IMMP2L: variants seen among roughly 807,000 people sequenced by gnomAD.
The protein encoded by IMMP2L is inner mitochondrial membrane peptidase subunit 2.
In IMMP2L, 18 loss-of-function variants were observed where a neutral mutation model predicts 19.3. The ratio of observed to expected loss-of-function variants is 0.93; its 90% CI spans 0.64 to 1.38. IMMP2L has a LOEUF of 1.38. Ranked by LOEUF, IMMP2L falls within the 40% of genes most tolerant of loss-of-function variation. IMMP2L has a pLI of 0.00. For synonymous variants in IMMP2L, 76 were observed against 73.0 expected (o/e 1.04, Z -0.21); for missense variants, 233 against 218.2 (o/e 1.07, Z -0.43).
chr7:111,102,940 C>T (rs1798135791), intron 3 of IMMP2L, among the ~76,000 whole-genome samples: 1 of 151,172 alleles, frequency 6.6e-6, no homozygotes, highest in Admixed American at 6.6e-5. Flanking sequence ...CTTAAAAGAC[C>T]ATATAGTATA....
At chr7:111,420,542 G>A (rs764783212) in intron 3 of IMMP2L, among the ~76,000 whole-genome samples, 26 of 151,186 alleles carry the variant, frequency 1.7e-4, no homozygotes, top group Non-Finnish European at 1.5e-4. Context: ...TTCTCCTAAC[G>A]CTATCCCTCC....
At chr7:111,055,775 C>T (rs1380140337) in intron 3 of IMMP2L, among the ~76,000 whole-genome samples, 1 of 152,156 alleles carries the variant, frequency 6.6e-6, no homozygotes, top group Non-Finnish European at 1.5e-5. Context: ...AGCAGAATTA[C>T]TTGTAAGCCT....
At chr7:111,445,395 A>C (rs1309215933) in intron 3 of IMMP2L, among the ~76,000 whole-genome samples, 1 of 151,604 alleles carries the variant, frequency 6.6e-6, no homozygotes, top group African/African-American at 2.4e-5. Context: ...AGAAGAATGA[A>C]AAAAAAATAG....
At chr7:110,934,982 T>C (rs188991224) in intron 4 of IMMP2L, among the ~76,000 whole-genome samples, 1 of 152,336 alleles carries the variant, frequency 6.6e-6, no homozygotes, top group African/African-American at 2.4e-5. Flanking sequence ...AACGGGGGCA[T>C]TTAGCCCATC....
intron 3 of IMMP2L, among the ~76,000 whole-genome samples, chr7:111,379,931 G>C (rs1831037681): frequency 6.6e-6 from 1 of 151,792 alleles, no homozygotes; most frequent in African/African-American, 2.4e-5. Flanking sequence ...TGTATACATT[G>C]CAAGTGGCAA....
intron 1 of IMMP2L, among the ~76,000 whole-genome samples, chr7:111,555,142 T>G (rs1563352718): frequency 6.6e-6 from 1 of 152,168 alleles, no homozygotes; most frequent in African/African-American, 2.4e-5. Flanking sequence ...TAGCAGATAT[T>G]AATACATGTT....
At chr7:110,689,180 A>T (rs141412683) in intron 5 of IMMP2L, among the ~76,000 whole-genome samples, 9 of 152,302 alleles carry the variant, frequency 5.9e-5, no homozygotes, top group African/African-American at 2.2e-4. Flanking sequence ...TGTATGCTAA[A>T]GCTTGCAAAC....
At chr7:110,860,027 T>A (rs1301170092) in intron 5 of IMMP2L, among the ~76,000 whole-genome samples, 1 of 152,112 alleles carries the variant, frequency 6.6e-6, no homozygotes, top group East Asian at 1.9e-4. Context: ...ACCTGTCACA[T>A]GTGTCATTGT....
At chr7:110,720,203 T>G (rs62463983) in intron 5 of IMMP2L, among the ~76,000 whole-genome samples, 31,675 of 151,888 alleles carry the variant, frequency 0.21, 3,467 homozygotes, top group Admixed American at 0.26. Context: ...ACAACAAAAT[T>G]TAAGAGGTAC....
At chr7:111,331,272 T>C (rs967921392) in intron 3 of IMMP2L, among the ~76,000 whole-genome samples, 2 of 151,940 alleles carry the variant, frequency 1.3e-5, no homozygotes, top group African/African-American at 4.8e-5. Flanking sequence ...CTGTCATTTG[T>C]AGCAGCATGT....
At chr7:111,397,001 T>C (rs1012790721) in intron 3 of IMMP2L, among the ~76,000 whole-genome samples, 6 of 151,778 alleles carry the variant, frequency 4.0e-5, no homozygotes, top group African/African-American at 1.5e-4. Context: ...CGCAGGAGAA[T>C]GGTATGAACC....
At chr7:111,101,636 C>CA (rs1206427593) in intron 3 of IMMP2L, among the ~76,000 whole-genome samples, 56 of 151,268 alleles carry the variant, frequency 3.7e-4, no homozygotes, top group African/African-American at 1.3e-3. Flanking sequence ...TTGTATATTT[C>CA]CTGTGAAATA....
intron 3 of IMMP2L, among the ~76,000 whole-genome samples, chr7:111,395,723 T>A (rs1832800627): frequency 6.6e-6 from 1 of 152,208 alleles, no homozygotes; most frequent in South Asian, 2.1e-4. Flanking sequence ...GTAATATTAT[T>A]CTGCCACATT....
chr7:111,097,207 T>C (rs922491191), intron 3 of IMMP2L: 5 of 151,998 alleles, frequency 3.3e-5, no homozygotes, highest in African/African-American at 9.6e-5. Flanking sequence ...TGAGGAACAA[T>C]GGAAGAGGCA....
At chr7:111,503,874 G>A (rs1308497432) in intron 2 of IMMP2L, among the ~76,000 whole-genome samples, 1 of 152,048 alleles carries the variant, frequency 6.6e-6, no homozygotes, top group African/African-American at 2.4e-5. Context: ...ATACTGAATG[G>A]ACAAAAACTG....
intron 1 of IMMP2L, among the ~76,000 whole-genome samples, chr7:111,560,240 T>G (rs1368211000): frequency 6.6e-6 from 1 of 152,158 alleles, no homozygotes; most frequent in Non-Finnish European, 1.5e-5. Flanking sequence ...AATAACTTTT[T>G]TTTGACTTTT....
chr7:110,937,576 T>C (rs1289236296), intron 4 of IMMP2L, among the ~76,000 whole-genome samples: 2 of 152,122 alleles, frequency 1.3e-5, no homozygotes, highest in Non-Finnish European at 2.9e-5. Flanking sequence ...TGCTTATATT[T>C]CATGATTTTT....
intron 3 of IMMP2L, among the ~76,000 whole-genome samples, chr7:111,224,255 C>T (rs571727887): frequency 6.6e-6 from 1 of 152,034 alleles, no homozygotes; most frequent in African/African-American, 2.4e-5. Context: ...ATTATTCTGA[C>T]CCTTTCAGAA....
chr7:110,813,014 G>C (rs1759775921), intron 5 of IMMP2L, among the ~76,000 whole-genome samples: 1 of 151,994 alleles, frequency 6.6e-6, no homozygotes, highest in Non-Finnish European at 1.5e-5. Context: ...TAGAAGACCT[G>C]ACACAGCATG....
Sources: allele counts gnomAD v4.1 joint callset (sites outside exome capture counted in the v4.1 genomes callset), GRCh38; gene constraint gnomAD v4.1.1; transcripts MANE v1.5; gene names NCBI Gene and HGNC (gene_info 2026-07-23, HGNC 2026-07-21).